PRKAR2B: variants seen among roughly 807,000 people sequenced by gnomAD.
PRKAR2B encodes cAMP-dependent protein kinase type II-beta regulatory subunit.
Under a neutral mutation model 49.9 loss-of-function variants are expected in PRKAR2B, and 14 were observed. That is an observed-to-expected ratio of 0.28 (90% CI 0.19 to 0.44). The LOEUF (loss-of-function observed/expected upper bound fraction) is 0.44, where lower values mean the gene tolerates loss of function less well. Ranked by LOEUF, PRKAR2B falls within the 20% of genes least tolerant of loss-of-function variation. PRKAR2B has a pLI of 1.00. For synonymous variants in PRKAR2B, 196 were observed against 197.7 expected, an observed-to-expected ratio of 0.99 and a Z score of 0.07; for missense variants, 393 against 537.9, an observed-to-expected ratio of 0.73 and a Z score of 2.67.
intron 4 of PRKAR2B, among the ~76,000 whole-genome samples, chr7:107,131,798 G>A (rs894771762): frequency 5.3e-5 from 8 of 152,144 alleles, no homozygotes; most frequent in Admixed American, 3.3e-4. Context: ...AGCTCATATT[G>A]TAAAGTAGCT....
chr7:107,143,057 C>T (rs1795817840), intron 5 of PRKAR2B, among the ~76,000 whole-genome samples: 1 of 152,178 alleles, frequency 6.6e-6, no homozygotes, highest in Admixed American at 6.5e-5. Flanking sequence ...GTCAGTGTGC[C>T]TGGCCTAGCC....
intron 2 of PRKAR2B, among the ~76,000 whole-genome samples, chr7:107,092,279 G>C (rs374772455): frequency 6.7e-6 from 1 of 149,962 alleles, no homozygotes; most frequent in Non-Finnish European, 1.5e-5. Flanking sequence ...GCGTGTGTCT[G>C]TGTGTGTGTG....
At chr7:107,082,778 G>A (rs879249909) in intron 2 of PRKAR2B, among the ~76,000 whole-genome samples, 1 of 148,788 alleles carries the variant, frequency 6.7e-6, no homozygotes, top group Non-Finnish European at 1.5e-5. Context: ...TGTATTTTTG[G>A]TAGAGACAGA....
At chr7:107,090,713 T>A (rs1794719395) in intron 2 of PRKAR2B, among the ~76,000 whole-genome samples, 1 of 152,214 alleles carries the variant, frequency 6.6e-6, no homozygotes, top group African/African-American at 2.4e-5. Context: ...GAGCTTCTTC[T>A]GTGAGGGAAG....
At chr7:107,145,193 G>T (rs1205011841) in intron 5 of PRKAR2B, among the ~76,000 whole-genome samples, 1 of 152,160 alleles carries the variant, frequency 6.6e-6, no homozygotes, top group Non-Finnish European at 1.5e-5. Context: ...AGGCCAATAT[G>T]TTCTCTGTTG....
intron 2 of PRKAR2B, among the ~76,000 whole-genome samples, chr7:107,084,845 T>A (rs1794586089): frequency 6.6e-6 from 1 of 151,964 alleles, no homozygotes; most frequent in South Asian, 2.1e-4. Flanking sequence ...CAGGATGGTC[T>A]CGATCTCCTG....
chr7:107,055,706 G>A (rs1444655280), intron 1 of PRKAR2B, among the ~76,000 whole-genome samples: 1 of 152,154 alleles, frequency 6.6e-6, no homozygotes, highest in East Asian at 1.9e-4. Context: ...GTAGATTCTG[G>A]ATATTAGCCC....
chr7:107,048,562 G>A (rs991810485), intron 1 of PRKAR2B, among the ~76,000 whole-genome samples: 3 of 152,202 alleles, frequency 2.0e-5, no homozygotes, highest in African/African-American at 7.2e-5. Flanking sequence ...CAAACGTAGG[G>A]ATCAAGCATG....
chr7:107,111,226 G>C (rs1319849708), intron 2 of PRKAR2B, among the ~76,000 whole-genome samples: 2 of 152,224 alleles, frequency 1.3e-5, no homozygotes, highest in African/African-American at 4.8e-5. Flanking sequence ...CTCAGTGCCA[G>C]CTCAGCCACA....
chr7:107,087,639 A>C (rs1794646874), intron 2 of PRKAR2B, among the ~76,000 whole-genome samples: 1 of 152,110 alleles, frequency 6.6e-6, no homozygotes, highest in Admixed American at 6.5e-5. Flanking sequence ...ACTGGATTCA[A>C]ATTCAGGCAT....
rs34333619 is a variant in PRKAR2B, at chr7:107,126,087, T to TAAAAAAAA, written c.397-2110_397-2103dup. Among the ~76,000 whole-genome samples, 97 of 82,262 alleles carry TAAAAAAAA rather than the reference T, an allele frequency of 1.2e-3. 3 individuals carry two copies. The highest frequency in any genetic ancestry group is 4.6e-3 in the African/African-American group (94 of 20,294). The allele number at this position is 82,262 out of a possible 152,430, so 54.0% of individuals were successfully genotyped here. On this transcript the variant is annotated intron_variant, in intron 3 of 10. Transcript: ENST00000265717. ...TGGGTGACAGAGCAAGACTGTGTCT[T>TAAAAAAAA]AAAAAAAAAAAAAAAAAAAAAAGAG...
intron 6 of PRKAR2B, among the ~76,000 whole-genome samples, chr7:107,148,076 A>G (rs1434262957): frequency 6.6e-6 from 1 of 152,230 alleles, no homozygotes; most frequent in East Asian, 1.9e-4. Context: ...TTGTCTCAGG[A>G]AAAGGAAAGA....
At chr7:107,063,169 A>G (rs1423397321) in intron 1 of PRKAR2B, among the ~76,000 whole-genome samples, 1 of 151,976 alleles carries the variant, frequency 6.6e-6, no homozygotes, top group Non-Finnish European at 1.5e-5. Flanking sequence ...ATGCCTGGCT[A>G]ATTTTTGTAT....
chr7:107,083,214 C>CA (rs1394241896), intron 2 of PRKAR2B, among the ~76,000 whole-genome samples: 1,239 of 115,182 alleles, frequency 0.011, 6 homozygotes, highest in African/African-American at 0.02. Flanking sequence ...GAGACTGTCT[C>CA]AAAAAAAAAA....
At chr7:107,137,821 A>G (rs1352386650) in intron 4 of PRKAR2B, among the ~76,000 whole-genome samples, 1 of 152,186 alleles carries the variant, frequency 6.6e-6, no homozygotes, top group African/African-American at 2.4e-5. Flanking sequence ...GTAACTTTTC[A>G]TGTTTTTAAG....
intron 2 of PRKAR2B, among the ~76,000 whole-genome samples, chr7:107,101,143 T>TA (rs1444131218): frequency 5.3e-5 from 8 of 149,772 alleles, no homozygotes; most frequent in South Asian, 2.1e-4. Flanking sequence ...TTATTTTTTT[T>TA]TTTTTTTTTT....
At chr7:107,148,220 T>G (rs140943644) in intron 6 of PRKAR2B, among the ~76,000 whole-genome samples, 1 of 152,350 alleles carries the variant, frequency 6.6e-6, no homozygotes, top group East Asian at 1.9e-4. Context: ...TGACCTGTTT[T>G]ATTCAGGAAG....
intron 6 of PRKAR2B, among the ~76,000 whole-genome samples, chr7:107,147,410 G>A (rs1354044622): frequency 6.6e-6 from 1 of 152,208 alleles, no homozygotes; most frequent in Non-Finnish European, 1.5e-5. Flanking sequence ...ATTTCTTAAT[G>A]TGGTATTCCC....
intron 2 of PRKAR2B, among the ~76,000 whole-genome samples, chr7:107,090,999 G>T (rs933703796): frequency 1.3e-5 from 2 of 152,146 alleles, no homozygotes; most frequent in African/African-American, 4.8e-5. Flanking sequence ...GGAGGCTAAA[G>T]GTCACTGTCA....
Sources: allele counts gnomAD v4.1 joint callset (sites outside exome capture counted in the v4.1 genomes callset), GRCh38; gene constraint gnomAD v4.1.1; transcripts MANE v1.5; gene names NCBI Gene and HGNC (gene_info 2026-07-23, HGNC 2026-07-21).